The following RGS12 variants were observed in gnomAD, a reference collection of about 807,000 sequenced individuals.
RGS12 encodes regulator of G protein signaling 12, also known as regulator of G-protein signaling 12.
A neutral mutation model predicts 120.1 loss-of-function variants in RGS12; 66 were observed. That is an observed-to-expected ratio of 0.55 (90% CI 0.45 to 0.67). The LOEUF is 0.67. RGS12 is among the 30% of genes least tolerant of loss of function. The pLI is 0.00. For missense variants in RGS12, 1,859 were observed against 1,957.7 expected, an observed-to-expected ratio of 0.95 and a Z score of 0.95; for synonymous variants, 827 against 804.7, an observed-to-expected ratio of 1.03 and a Z score of -0.47.
Position 3,316,599 on chromosome 4 carries a change from T to C in RGS12, c.429T>C (p.Ser143=), listed in dbSNP as rs745780380. The C allele has an allele frequency of 1.2e-6, 2 of 1,614,154 alleles. No individual in the cohort carries two copies. The highest frequency in any genetic ancestry group is 1.7e-6 in the Non-Finnish European group (2 of 1,180,038). ...AGCGAGTCGTGGAGGAAATGCAGTC[T>C]GGTGGAATTTTCAATATGATTTTTG... The part of the protein sequence containing the change: ...RAERVVEEMQ[S]GGIFNMIFEN... Residue 143 remains serine (S), a synonymous_variant, in exon 2 of 18, where the codon TCT becomes TCC. Transcript: ENST00000336727.
At chr4:3,407,796 C>T (rs937503671) in intron 4 of RGS12, among the ~76,000 whole-genome samples, 1 of 152,266 alleles carries the variant, frequency 6.6e-6, no homozygotes, top group Admixed American at 6.5e-5. Flanking sequence ...GGGCCCGGGC[C>T]GTGTGTTACA....
intron 16 of RGS12, among the ~76,000 whole-genome samples, chr4:3,430,044 G>GC (rs1211344766): frequency 6.6e-6 from 1 of 152,194 alleles, no homozygotes; most frequent in African/African-American, 2.4e-5. Flanking sequence ...TCCTCAGAGG[G>GC]CCCCAAGTGT....
intron 10 of RGS12, 39 bp from the exon 11 acceptor site, chr4:3,422,337 G>T: frequency 6.4e-7 from 1 of 1,573,598 alleles, no homozygotes; most frequent in Non-Finnish European, 8.6e-7. Context: ...CCCCTGTGAC[G>T]CTGGTTCCCT....
intron 2 of RGS12, among the ~76,000 whole-genome samples, chr4:3,339,706 C>T (rs1369191871): frequency 6.6e-6 from 1 of 152,176 alleles, no homozygotes; most frequent in African/African-American, 2.4e-5. Flanking sequence ...CAAGGATCAG[C>T]ACCAAGGATG....
chr4:3,301,590 G>A (rs947401621), intron 1 of RGS12, among the ~76,000 whole-genome samples: 53 of 140,032 alleles, frequency 3.8e-4, no homozygotes, highest in Non-Finnish European at 7.4e-4. Flanking sequence ...GCCGGGGTCC[G>A]AGGGCCGGGG....
chr4:3,431,069 AC>A, intron 17 of RGS12, 114 bp downstream of exon 17: 2 of 1,473,594 alleles, frequency 1.4e-6, no homozygotes, highest in African/African-American at 2.8e-5. Flanking sequence ...GGTCTCCGTG[AC>A]CCCCTCCTCA....
chr4:3,371,821 C>T (rs750488068), intron 3 of RGS12, among the ~76,000 whole-genome samples: 27 of 152,160 alleles, frequency 1.8e-4, no homozygotes, highest in African/African-American at 3.9e-4. Flanking sequence ...GCTGGGGTGC[C>T]GCCGTCCGTG....
chr4:3,290,645 G>T (rs1722985198), upstream of RGS12, among the ~76,000 whole-genome samples: 1 of 152,256 alleles, frequency 6.6e-6, no homozygotes, highest in Non-Finnish European at 1.5e-5. Context: ...TAGCCTATGA[G>T]CTGTGGGTAG....
At chr4:3,331,448 T>C (rs745635829) in intron 2 of RGS12, among the ~76,000 whole-genome samples, 4 of 152,178 alleles carry the variant, frequency 2.6e-5, no homozygotes, top group Non-Finnish European at 5.9e-5. Flanking sequence ...AAAATTATTT[T>C]AATAAGAACA....
chr4:3,310,792 C>T (rs916387427), intron 1 of RGS12, among the ~76,000 whole-genome samples: 11 of 151,998 alleles, frequency 7.2e-5, no homozygotes, highest in Admixed American at 4.6e-4. Flanking sequence ...GGTGGGCAGG[C>T]GCCTGCGGGG....
At chr4:3,379,194 T>C (rs1362695638) in intron 3 of RGS12, among the ~76,000 whole-genome samples, 1 of 152,170 alleles carries the variant, frequency 6.6e-6, no homozygotes, top group Non-Finnish European at 1.5e-5. Context: ...GATTGGTGCT[T>C]ACCAGTGCCT....
chr4:3,292,997 C>T (rs930569706), upstream of RGS12: 6 of 149,830 alleles, frequency 4.0e-5, no homozygotes, highest in Non-Finnish European at 7.5e-5. Flanking sequence ...CGGCCCCGCC[C>T]TCGCCTCGAC....
In RGS12 at chr4:3,298,899, A is replaced by G. The variant is rs376433759; in HGVS notation, c.-102+5800A>G. Among the ~76,000 whole-genome samples the G allele has an allele frequency of 1.2e-4, 18 of 152,326 alleles. No individual in the cohort carries two copies. In the East Asian group the frequency reaches 3.5e-3, roughly 29 times the overall value. ...GATCATACTGTCATTAAATCTTTGA[A>G]CACATACTAGCGGCTTTAATGTTCT... is the stretch of plus-strand genomic sequence containing the variant. On this transcript the variant is annotated intron_variant, in intron 1 of 17. Coordinates refer to ENST00000336727, the MANE Select transcript of RGS12 (RefSeq NM_001394154.1).
upstream of RGS12, among the ~76,000 whole-genome samples, chr4:3,292,744 C>T (rs1162447290): frequency 6.6e-6 from 1 of 152,234 alleles, no homozygotes; most frequent in Non-Finnish European, 1.5e-5. Context: ...TGCGGGTACA[C>T]ACCGTGCGCA....
At chr4:3,434,888 G>T (rs755375935) in intron 17 of RGS12, among the ~76,000 whole-genome samples, 2 of 152,214 alleles carry the variant, frequency 1.3e-5, no homozygotes, top group Non-Finnish European at 2.9e-5. Flanking sequence ...GGGGCTGGAG[G>T]CCAGTGGCTC....
chr4:3,290,202 A>G (rs547976638), upstream of RGS12, among the ~76,000 whole-genome samples: 1 of 152,188 alleles, frequency 6.6e-6, no homozygotes, highest in African/African-American at 2.4e-5. Flanking sequence ...CGGTAGTTCT[A>G]GTTTTGATTT....
intron 1 of RGS12, among the ~76,000 whole-genome samples, chr4:3,307,287 G>A (rs1015363729): frequency 2.0e-5 from 3 of 152,226 alleles, no homozygotes; most frequent in African/African-American, 7.2e-5. Context: ...ACATGAGCCC[G>A]CGCACCGCTG....
At chr4:3,388,814 T>C (rs1719142283) in intron 4 of RGS12, among the ~76,000 whole-genome samples, 1 of 152,182 alleles carries the variant, frequency 6.6e-6, no homozygotes, top group Non-Finnish European at 1.5e-5. Flanking sequence ...CAGAGATCTT[T>C]TTATAGGCTG....
chr4:3,343,228 T>G, intron 3 of RGS12, 175 bp downstream of exon 3: 1 of 568,510 alleles, frequency 1.8e-6, no homozygotes, highest in South Asian at 2.1e-5. Context: ...GGAACCTTTC[T>G]ACCCTGCAAT....
Sources: allele counts gnomAD v4.1 joint callset (sites outside exome capture counted in the v4.1 genomes callset), GRCh38; gene constraint gnomAD v4.1.1; transcripts MANE v1.5; gene names NCBI Gene and HGNC (gene_info 2026-07-23, HGNC 2026-07-21).